The following GABRB2 variants were observed in gnomAD, a reference collection of about 807,000 sequenced individuals.
The protein encoded by GABRB2 is gamma-aminobutyric acid receptor subunit beta-2.
In GABRB2, 16 loss-of-function variants were observed where a neutral mutation model predicts 54.7. The observed-to-expected ratio is 0.29, with a 90% CI of 0.20 to 0.44. The LOEUF is 0.44. Among genes scored for constraint, GABRB2 ranks in the 20% least tolerant of loss-of-function variants. The pLI is 1.00. For synonymous variants in GABRB2, 244 were observed against 233.8 expected, an observed-to-expected ratio of 1.04 and a Z score of -0.40; for missense variants, 355 against 644.0, an observed-to-expected ratio of 0.55 and a Z score of 4.86.
chr5:161,502,428 T>C (rs1258672096), intron 3 of GABRB2, among the ~76,000 whole-genome samples: 1 of 152,154 alleles, frequency 6.6e-6, no homozygotes, highest in Non-Finnish European at 1.5e-5. Flanking sequence ...TTATCTTGGA[T>C]GAGCAATACG....
chr5:161,452,582 T>C (rs1757819982), intron 4 of GABRB2, among the ~76,000 whole-genome samples: 1 of 152,170 alleles, frequency 6.6e-6, no homozygotes, highest in African/African-American at 2.4e-5. Flanking sequence ...TTGATAGAAT[T>C]CTGCTTTCTA....
intron 5 of GABRB2, among the ~76,000 whole-genome samples, chr5:161,384,535 C>A (rs929717153): frequency 6.6e-6 from 1 of 152,172 alleles, no homozygotes; most frequent in Non-Finnish European, 1.5e-5. Context: ...ATTCATCCGA[C>A]ACCTGCTTAC....
chr5:161,470,036 CT>C (rs1267492103), intron 3 of GABRB2, among the ~76,000 whole-genome samples: 1 of 151,626 alleles, frequency 6.6e-6, no homozygotes, highest in African/African-American at 2.4e-5. Flanking sequence ...TTAAACTTTT[CT>C]ATCTCTCTTG....
intron 5 of GABRB2, among the ~76,000 whole-genome samples, chr5:161,367,996 G>A (rs1243518915): frequency 1.3e-5 from 2 of 152,100 alleles, no homozygotes; most frequent in Non-Finnish European, 2.9e-5. Context: ...CATACCTGAT[G>A]TAGGTAGAAA....
At chr5:161,487,030 C>T (rs1290792147) in intron 3 of GABRB2, among the ~76,000 whole-genome samples, 1 of 151,902 alleles carries the variant, frequency 6.6e-6, no homozygotes, top group Non-Finnish European at 1.5e-5. Flanking sequence ...ATTACAAGTT[C>T]CTTATTCCAT....
At chr5:161,452,721 CAGA>C (rs1196990523) in intron 4 of GABRB2, among the ~76,000 whole-genome samples, 3 of 151,948 alleles carry the variant, frequency 2.0e-5, no homozygotes, top group Non-Finnish European at 4.4e-5. Flanking sequence ...AGGCCAAGCA[CAGA>C]AGATCAGACC....
chr5:161,427,031 T>C (rs1757020531), intron 4 of GABRB2, among the ~76,000 whole-genome samples: 1 of 152,200 alleles, frequency 6.6e-6, no homozygotes, highest in African/African-American at 2.4e-5. Flanking sequence ...TTCCCCATCC[T>C]GGTCTCTGAC....
At chr5:161,454,421 C>T (rs1757887287) in intron 4 of GABRB2, among the ~76,000 whole-genome samples, 1 of 152,190 alleles carries the variant, frequency 6.6e-6, no homozygotes, top group Non-Finnish European at 1.5e-5. Flanking sequence ...GCATTCTAGA[C>T]ATGCCTGGCC....
At chr5:161,506,511 T>G (rs920459377) in intron 3 of GABRB2, among the ~76,000 whole-genome samples, 2 of 152,166 alleles carry the variant, frequency 1.3e-5, no homozygotes, top group East Asian at 3.8e-4. Context: ...GCAAATAATT[T>G]TCCACACATT....
At chr5:161,401,667 G>A (rs557973752) in intron 5 of GABRB2, among the ~76,000 whole-genome samples, 16 of 152,024 alleles carry the variant, frequency 1.1e-4, no homozygotes, top group African/African-American at 1.7e-4. Context: ...CATTTAAGTC[G>A]CATCAAATGT....
At chr5:161,537,883 C>T (rs1760692312) in intron 3 of GABRB2, among the ~76,000 whole-genome samples, 1 of 152,066 alleles carries the variant, frequency 6.6e-6, no homozygotes, top group Non-Finnish European at 1.5e-5. Context: ...TTTAAAATGA[C>T]TTCCAAATCC....
intron 4 of GABRB2, among the ~76,000 whole-genome samples, chr5:161,441,103 T>C (rs967380334): frequency 6.6e-6 from 1 of 152,016 alleles, no homozygotes; most frequent in Non-Finnish European, 1.5e-5. Flanking sequence ...AAAGCAAAAA[T>C]AGACAAATGG....
At chr5:161,307,075 G>T (rs1189864850) in intron 9 of GABRB2, among the ~76,000 whole-genome samples, 6 of 152,148 alleles carry the variant, frequency 3.9e-5, no homozygotes, top group African/African-American at 1.4e-4. Flanking sequence ...AGAACCAAGG[G>T]ATTTCTAATA....
chr5:161,381,241 T>C (rs1755456868), intron 5 of GABRB2, among the ~76,000 whole-genome samples: 1 of 152,188 alleles, frequency 6.6e-6, no homozygotes, highest in Non-Finnish European at 1.5e-5. Context: ...GATCATAATA[T>C]CTACTGTTGG....
intron 5 of GABRB2, among the ~76,000 whole-genome samples, chr5:161,383,217 C>T (rs1395843494): frequency 6.6e-6 from 1 of 152,052 alleles, no homozygotes; most frequent in Non-Finnish European, 1.5e-5. Flanking sequence ...AAAACTTTTC[C>T]ATCTCATACC....
chr5:161,402,965 C>T (rs1452356179), intron 5 of GABRB2, among the ~76,000 whole-genome samples: 2 of 151,926 alleles, frequency 1.3e-5, no homozygotes, highest in African/African-American at 4.8e-5. Context: ...TTTAAAAAAT[C>T]CCCAGCGATT....
At chr5:161,456,084 G>A (rs952199572) in intron 4 of GABRB2, among the ~76,000 whole-genome samples, 15 of 152,130 alleles carry the variant, frequency 9.9e-5, no homozygotes, top group Admixed American at 9.8e-4. Flanking sequence ...TAAGCCCTTA[G>A]ATTTTGCCTT....
At chr5:161,429,345 C>CAAAAAAAAAAAAAAAAAAAAAAAAAAA in intron 4 of GABRB2, among the ~76,000 whole-genome samples, 30 of 31,410 alleles carry the variant, frequency 9.6e-4, no homozygotes, top group Admixed American at 1.8e-3. Flanking sequence ...GAATCCGTCT[C>CAAAAAAAAAAAAAAAAAAAAAAAAAAA]AAAAAAAAAA....
intron 3 of GABRB2, among the ~76,000 whole-genome samples, chr5:161,501,103 C>A (rs935734736): frequency 1.3e-5 from 2 of 151,822 alleles, no homozygotes; most frequent in Non-Finnish European, 2.9e-5. Context: ...ACTTCCAGCA[C>A]TAGTGTAACA....
Sources: gnomAD v4.1 joint callset for allele counts (sites outside exome capture counted in the v4.1 genomes callset) on GRCh38, gnomAD v4.1.1 for gene constraint, MANE v1.5 for transcripts, NCBI Gene and HGNC (gene_info 2026-07-23, HGNC 2026-07-21) for gene names.